Variants in GLYATL2 observed in about 807,000 individuals in gnomAD.
GLYATL2 encodes glycine-N-acyltransferase like 2, also known as glycine N-acyltransferase-like protein 2.
A neutral mutation model predicts 21.4 loss-of-function variants in GLYATL2; 25 were observed. That is an observed-to-expected ratio of 1.17 (90% CI 0.85 to 1.63). The LOEUF is 1.63. Ranked by LOEUF, GLYATL2 falls within the 40% of genes most tolerant of loss-of-function variation. The pLI, the probability that GLYATL2 is intolerant of heterozygous loss-of-function variation, is 0.00. For missense variants in GLYATL2, 361 were observed against 343.3 expected, an observed-to-expected ratio of 1.05 and a Z score of -0.41; for synonymous variants, 114 against 118.2, an observed-to-expected ratio of 0.96 and a Z score of 0.23.
intron 1 of GLYATL2, chr11:58,885,360 C>T: frequency 3.2e-6 from 1 of 315,408 alleles, no homozygotes; most frequent in Non-Finnish European, 6.3e-6. Context: ...CTCCGTTTTT[C>T]TCTTCCTCTT....
intron 1 of GLYATL2, among the ~76,000 whole-genome samples, chr11:58,873,835 T>A (rs1043909807): frequency 6.6e-6 from 1 of 152,204 alleles, no homozygotes; most frequent in African/African-American, 2.4e-5. Flanking sequence ...GTTTTTTTAT[T>A]GATTGGAATA....
intron 1 of GLYATL2, among the ~76,000 whole-genome samples, chr11:58,864,449 T>C (rs1853989035): frequency 6.7e-6 from 1 of 149,022 alleles, no homozygotes; most frequent in Admixed American, 6.9e-5. Flanking sequence ...AGTCTGCAGG[T>C]ACCAGCCTGG....
chr11:58,853,557 A>G (rs1853778047), intron 1 of GLYATL2, among the ~76,000 whole-genome samples: 1 of 152,150 alleles, frequency 6.6e-6, no homozygotes, highest in African/African-American at 2.4e-5. Flanking sequence ...GGGCTCTGAC[A>G]CCTTTTAGAA....
chr11:58,902,134 C>A (rs1298071042), intron 1 of GLYATL2, among the ~76,000 whole-genome samples: 2 of 152,056 alleles, frequency 1.3e-5, no homozygotes, highest in African/African-American at 4.8e-5. Flanking sequence ...TTGCTGGAGG[C>A]TTAGAGACCC....
intron 1 of GLYATL2, among the ~76,000 whole-genome samples, chr11:58,872,338 T>C (rs1338939915): frequency 1.3e-5 from 2 of 151,466 alleles, no homozygotes; most frequent in East Asian, 3.8e-4. Flanking sequence ...CTTTTGGTGT[T>C]TTAGACATGA....
intron 1 of GLYATL2, among the ~76,000 whole-genome samples, chr11:58,876,540 T>G (rs1462558680): frequency 6.6e-6 from 1 of 152,188 alleles, no homozygotes; most frequent in African/African-American, 2.4e-5. Flanking sequence ...CTGTTGGAGT[T>G]TACTGGAGGT....
intron 1 of GLYATL2, among the ~76,000 whole-genome samples, chr11:58,852,197 C>T (rs1344120864): frequency 3.3e-5 from 5 of 152,166 alleles, no homozygotes; most frequent in African/African-American, 1.2e-4. Flanking sequence ...AACTCAGTTC[C>T]CTTAACCCTC....
intron 1 of GLYATL2, among the ~76,000 whole-genome samples, chr11:58,852,164 C>T (rs1853753354): frequency 6.6e-6 from 1 of 152,186 alleles, no homozygotes; most frequent in Admixed American, 6.5e-5. Context: ...TCTGGCAGAA[C>T]TTTCATAGGC....
At chr11:58,891,560 G>A (rs1039282807) in intron 1 of GLYATL2, among the ~76,000 whole-genome samples, 4 of 152,150 alleles carry the variant, frequency 2.6e-5, no homozygotes, top group South Asian at 2.1e-4. Flanking sequence ...CACTGGTAGT[G>A]AGCATAGTAC....
chr11:58,886,653 A>G (rs1324571311), intron 1 of GLYATL2, among the ~76,000 whole-genome samples: 3 of 152,246 alleles, frequency 2.0e-5, no homozygotes, highest in East Asian at 1.9e-4. Context: ...CTGAGGACAT[A>G]CAAGGAATAC....
At position 58,837,060 on chromosome 11, in the gene GLYATL2, G is replaced by C; in HGVS notation, c.431C>G (p.Ser144Ter). ...IPELPKKHKT[S>*]SNDKMELFEV... ...AAATAACTCCATCTTGTCATTACTTGAGGTCTTGTGTTTCTTTGGTAATTC... is the reference window on the plus strand; with the variant it reads ...AAATAACTCCATCTTGTCATTACTTCAGGTCTTGTGTTTCTTTGGTAATTC... Residue 144 changes from serine to a stop codon, truncating the protein, a stop_gained, in exon 5 of 6, where the codon TCA (serine) becomes TGA (stop). Coordinates refer to ENST00000287275, the MANE Select transcript of GLYATL2 (RefSeq NM_145016.4). LOFTEE classifies it low-confidence loss of function (END_TRUNC). 6.2e-7 allele frequency: 1 copy of C among 1,613,778 alleles called. No homozygotes were observed. The highest frequency in any genetic ancestry group is 8.5e-7 in the Non-Finnish European group (1 of 1,179,754).
Position 58,870,998 on chromosome 11 carries a change from G to T in GLYATL2, n.61-32630C>A, listed in dbSNP as rs547309310. Reference sequence around the variant, plus strand: ...TTGGATTTAAAGAGGGAGGGGAAAAGATACTTAAGAATAACTCCAAGAGTT... The same window carrying T: ...TTGGATTTAAAGAGGGAGGGGAAAATATACTTAAGAATAACTCCAAGAGTT... On this transcript the variant is annotated intron_variant and non_coding_transcript_variant, in intron 1 of 4. Coordinates refer to the GLYATL2 transcript ENST00000533636. 5.7e-4 allele frequency among the ~76,000 whole-genome samples: 87 copies of T among 152,200 alleles called. 1 individual carries two copies. The highest frequency in any genetic ancestry group is 1.7e-3 in the African/African-American group (72 of 41,446).
chr11:58,839,477 A>G (rs1853504434), intron 2 of GLYATL2, 58 bp downstream of exon 2: 2 of 1,042,864 alleles, frequency 1.9e-6, no homozygotes, highest in Non-Finnish European at 2.9e-6. Flanking sequence ...TGAATCCTGA[A>G]TCTGTCCTCC....
At chr11:58,867,699 G>T (rs1186634249) in intron 1 of GLYATL2, among the ~76,000 whole-genome samples, 1 of 148,946 alleles carries the variant, frequency 6.7e-6, no homozygotes, top group Non-Finnish European at 1.5e-5. Flanking sequence ...TGAGTGTTTT[G>T]GGAAGTCACT....
chr11:58,897,128 T>C (rs1191433750), intron 1 of GLYATL2, among the ~76,000 whole-genome samples: 1 of 152,238 alleles, frequency 6.6e-6, no homozygotes, highest in African/African-American at 2.4e-5. Context: ...GGCATCCACT[T>C]GGGAGAATGG....
At chr11:58,882,404 C>T (rs1180714207) in intron 1 of GLYATL2, among the ~76,000 whole-genome samples, 2 of 152,122 alleles carry the variant, frequency 1.3e-5, no homozygotes, top group Non-Finnish European at 2.9e-5. Context: ...TGTTCATATC[C>T]TTTGCCCACT....
At chr11:58,888,101 T>C (rs1300228145) in intron 1 of GLYATL2, among the ~76,000 whole-genome samples, 1 of 152,208 alleles carries the variant, frequency 6.6e-6, no homozygotes, top group Non-Finnish European at 1.5e-5. Context: ...TATTTTCATA[T>C]GTTTATCAGT....
intron 1 of GLYATL2, among the ~76,000 whole-genome samples, chr11:58,890,173 C>T (rs914076495): frequency 6.6e-6 from 1 of 152,078 alleles, no homozygotes; most frequent in African/African-American, 2.4e-5. Flanking sequence ...AAGCTTAGTT[C>T]CCAGTTATGA....
intron 1 of GLYATL2, among the ~76,000 whole-genome samples, chr11:58,880,451 C>A (rs1854313097): frequency 6.6e-6 from 1 of 152,088 alleles, no homozygotes; most frequent in Admixed American, 6.5e-5. Context: ...GCCAAGGCTA[C>A]AATATTCTCA....
Sources: allele counts gnomAD v4.1 joint callset (sites outside exome capture counted in the v4.1 genomes callset), GRCh38; gene constraint gnomAD v4.1.1; transcripts MANE v1.5; gene names NCBI Gene and HGNC (gene_info 2026-07-23, HGNC 2026-07-21).